TERT: variants seen among roughly 807,000 people sequenced by gnomAD.
TERT encodes telomerase reverse transcriptase.
Under a neutral mutation model 104.0 loss-of-function variants are expected in TERT, and 42 were observed. That is an observed-to-expected ratio of 0.40 (90% CI 0.32 to 0.52). The LOEUF (loss-of-function observed/expected upper bound fraction) is 0.52, where lower values mean the gene tolerates loss of function less well. Ranked by LOEUF, TERT falls within the 20% of genes least tolerant of loss-of-function variation. The probability of loss-of-function intolerance (pLI) is 0.43; values close to 1 mark genes in which losing one functional copy is unlikely to be tolerated. For missense variants in TERT, 1,101 were observed against 1,610.3 expected (o/e 0.68, Z 5.41); for synonymous variants, 781 against 725.6 (o/e 1.08, Z -1.23).
chr5:1,293,790 G>C lies in TERT; in HGVS notation c.1096C>G (p.Leu366Val). 6.4e-7 allele frequency: 1 copy of C among 1,552,860 alleles called. No homozygotes were observed. Among genetic ancestry groups the C allele is most frequent in the Non-Finnish European group, 8.7e-7 (1 of 1,148,304 alleles). ...CCTGGCATCCAGGGCCTGGAACCCA[G>C]AAAGATGGTCTCCACGAGCCTCCGA... Reference protein sequence around the residue: ...GARRLVETIFLGSRPWMPGTP... With the variant: ...GARRLVETIFVGSRPWMPGTP... Residue 366 changes from leucine (L) to valine (V), a missense_variant, in exon 2 of 16, where the codon CTG becomes GTG. Around this residue, in one of 5 missense-constraint regions of TERT, gnomAD observed 504 missense variants for 544.6 expected, o/e 0.93. Transcript: ENST00000310581.
chr5:1,281,007 C>T (rs965291885), intron 3 of TERT, among the ~76,000 whole-genome samples: 2 of 152,192 alleles, frequency 1.3e-5, no homozygotes, highest in African/African-American at 4.8e-5. Flanking sequence ...GCCGCAGGCC[C>T]AGCAGAGTAG....
At chr5:1,291,578 GC>G (rs1750970250) in intron 2 of TERT, among the ~76,000 whole-genome samples, 2 of 9,546 alleles carry the variant, frequency 2.1e-4, no homozygotes, top group Admixed American at 1.2e-3. Context: ...CACTCACCCT[GC>G]ACGTGACAGG....
intron 10 of TERT, among the ~76,000 whole-genome samples, 189 bp from the exon 11 acceptor site, chr5:1,264,781 C>G (rs542374683): frequency 6.6e-6 from 1 of 152,304 alleles, no homozygotes; most frequent in Non-Finnish European, 1.5e-5. Context: ...TTCCCTGTCT[C>G]CCGGGCAGGA....
chr5:1,277,673 G>A (rs959449248), intron 6 of TERT, among the ~76,000 whole-genome samples: 8 of 150,476 alleles, frequency 5.3e-5, no homozygotes, highest in African/African-American at 1.5e-4. Flanking sequence ...GGGACGGGGG[G>A]GTCTCCTGGG....
At chr5:1,291,555 G>C (rs546138988) in intron 2 of TERT, among the ~76,000 whole-genome samples, 1 of 115,472 alleles carries the variant, frequency 8.7e-6, no homozygotes, top group Non-Finnish European at 1.8e-5. Context: ...AGGGACACCC[G>C]GGGACCGCGC....
chr5:1,280,014 G>T, intron 4 of TERT, 144 bp downstream of exon 4: 2 of 1,107,648 alleles, frequency 1.8e-6, no homozygotes. Context: ...CCACCTCACT[G>T]TGCGCACAAA....
intron 11 of TERT, 112 bp from the exon 12 acceptor site, chr5:1,260,712 T>G (rs1248386764): frequency 7.3e-6 from 11 of 1,500,696 alleles, no homozygotes; most frequent in Non-Finnish European, 8.2e-6. Flanking sequence ...TTGTCCTGCC[T>G]GGGGCATGCG....
chr5:1,258,641 CCGT>C lies in TERT; in HGVS notation c.2986_2988del (p.Thr996del). 1 of 1,570,992 alleles carries C rather than the reference CCGT, an allele frequency of 6.4e-7. No individual in the cohort carries two copies. The highest frequency in any genetic ancestry group is 8.6e-7 in the Non-Finnish European group (1 of 1,157,116). ...AGGATCTTGTAGATGTTGGTGCACA[CCGT>C]CTGGAGGCTGTTCACCTAGAGTCGC... On this transcript the variant is annotated inframe_deletion, in exon 13 of 16. Transcript: ENST00000310581.
At chr5:1,266,211 TCAC>T (rs1298456700) in intron 10 of TERT, among the ~76,000 whole-genome samples, 7 of 152,200 alleles carry the variant, frequency 4.6e-5, no homozygotes, top group African/African-American at 1.7e-4. Context: ...CCGCCTGCAC[TCAC>T]CACGTGTGTA....
At chr5:1,258,277 G>A (rs1041100190) in intron 13 of TERT, among the ~76,000 whole-genome samples, 3 of 152,226 alleles carry the variant, frequency 2.0e-5, no homozygotes, top group African/African-American at 7.2e-5. Context: ...AGCCTCCTCT[G>A]CTAAGACTCC....
chr5:1,293,210 G>T, intron 2 of TERT, 103 bp downstream of exon 2: 1 of 1,458,038 alleles, frequency 6.9e-7, no homozygotes, highest in Non-Finnish European at 9.4e-7. Context: ...GTGCCCACGT[G>T]ACGATGGAGA....
chr5:1,281,164 C>G (rs1189222591), intron 3 of TERT, among the ~76,000 whole-genome samples: 1 of 152,272 alleles, frequency 6.6e-6, no homozygotes, highest in Non-Finnish European at 1.5e-5. Context: ...TTCCAAAATA[C>G]TGGTCAAATG....
intron 11 of TERT, 81 bp from the exon 12 acceptor site, chr5:1,260,681 TCCTG>T (rs1748169539): frequency 6.3e-7 from 1 of 1,588,344 alleles, no homozygotes; most frequent in Non-Finnish European, 8.6e-7. Flanking sequence ...CCAAAGAGCC[TCCTG>T]CCTTCCTCCC....
rs773733492 is a variant in TERT at position 1,269,612 on chromosome 5, CAAA to C, written c.2469-982_2469-980del. ...GGCAGACAACAGTGACGTTCCGTCT[CAAA>C]AAAAAAAAAAGAAAGAAAAGAAAAG... is the stretch of plus-strand genomic sequence containing the variant. On this transcript the variant is annotated intron_variant, in intron 8 of 15. Transcript: ENST00000310581. This position sits in a 1 kb window ranked among gnomAD's most constrained non-coding sequence, Gnocchi z 9.0. Among the ~76,000 whole-genome samples the C allele has an allele frequency of 1.6e-5, 2 of 123,784 alleles. No homozygotes were observed. The highest frequency in any genetic ancestry group is 1.7e-5 in the Non-Finnish European group (1 of 57,766). The allele number at this position is 123,784 out of a possible 152,430, so 81.2% of individuals were successfully genotyped here.
intron 3 of TERT, 127 bp downstream of exon 3, chr5:1,282,302 G>A: frequency 1.0e-6 from 1 of 1,001,424 alleles, no homozygotes. Context: ...CTGTGACGGG[G>A]CCCCTGGCTC....
At position 1,261,497 on chromosome 5, in the gene TERT, C is replaced by A. The variant is rs1748224447; in HGVS notation, c.2844-897G>T. 6.6e-6 allele frequency among the ~76,000 whole-genome samples: 1 copy of A among 152,240 alleles called. No homozygotes were observed. Among genetic ancestry groups the A allele is most frequent in the African/African-American group, 2.4e-5 (1 of 41,474 alleles). ...ACAGGACATTGTGAGGACTTCCATGCAAACAAGCTGCTTTCCAGAAAAGTC... is the reference window on the plus strand; with the variant it reads ...ACAGGACATTGTGAGGACTTCCATGAAAACAAGCTGCTTTCCAGAAAAGTC... On this transcript the variant is annotated intron_variant, in intron 11 of 15. Transcript: ENST00000310581. The surrounding 1 kb of genome is among the most constrained non-coding windows in gnomAD (Gnocchi z 7.4).
At position 1,270,840 on chromosome 5, in the gene TERT, C is replaced by A. The variant is rs549772822; in HGVS notation, c.2468+279G>T. ...CGCACACCTGACCCAGACACACCCCCCGCCCCTCGTCCTCCACGCAGGAGC... is the reference window on the plus strand; with the variant it reads ...CGCACACCTGACCCAGACACACCCCACGCCCCTCGTCCTCCACGCAGGAGC... On this transcript the variant is annotated intron_variant, in intron 8 of 15. Transcript: ENST00000310581. This position sits in a 1 kb window ranked among gnomAD's most constrained non-coding sequence, Gnocchi z 8.3. Among the ~76,000 whole-genome samples, 92 of 152,336 alleles carry A rather than the reference C, an allele frequency of 6.0e-4. 1 individual carries two copies. The South Asian group carries it at 0.019, about 31-fold the overall frequency.
chr5:1,253,435 G>A lies in TERT; in HGVS notation c.*293C>T, dbSNP rs1485891776. The A allele has an allele frequency of 2.7e-5, 15 of 548,022 alleles. No homozygotes were observed. Among genetic ancestry groups the A allele is most frequent in the Non-Finnish European group, 3.6e-5 (11 of 303,694 alleles). 33.9% of individuals were successfully genotyped at this position (548,022 alleles called of 1,614,324 possible). A position where few individuals can be genotyped will look rare whatever the true frequency, so the allele number is the denominator to read the frequency against. On this transcript the variant is annotated 3_prime_UTR_variant, in exon 16 of 16. Transcript: ENST00000310581. ...TATTCCTATGTGGGGAGTGGAAGCCGGGCTCCTGGTGAGGAAAAGCTGGCC... is the reference window on the plus strand; with the variant it reads ...TATTCCTATGTGGGGAGTGGAAGCCAGGCTCCTGGTGAGGAAAAGCTGGCC...
Position 1,268,238 on chromosome 5 carries a change from G to A in TERT, c.2582+282C>T, listed in dbSNP as rs781280286. Among the ~76,000 whole-genome samples the A allele has an allele frequency of 6.6e-6, 1 of 152,216 alleles. No homozygotes were observed. The highest frequency in any genetic ancestry group is 1.5e-5 in the Non-Finnish European group (1 of 68,044). On this transcript the variant is annotated intron_variant, in intron 9 of 15. Coordinates refer to ENST00000310581, the MANE Select transcript of TERT (RefSeq NM_198253.3). The surrounding 1 kb of genome is among the most constrained non-coding windows in gnomAD (Gnocchi z 5.5). ...GTGACAGAAGCTGGTGTGCTTCCTC[G>A]GTGTTGAATTCACATGCTCATCATG...
Sources: gnomAD v4.1 joint callset for allele counts (sites outside exome capture counted in the v4.1 genomes callset) on GRCh38, gnomAD v4.1.1 for gene constraint, gnomAD v4.1.1 regional missense constraint, Gnocchi (gnomAD v3.1) non-coding constraint, MANE v1.5 for transcripts, NCBI Gene and HGNC (gene_info 2026-07-23, HGNC 2026-07-21) for gene names.